CNOT6: variants seen among roughly 807,000 people sequenced by gnomAD.
CNOT6 encodes the protein CCR4-NOT transcription complex subunit 6.
Under a neutral mutation model 61.2 loss-of-function variants are expected in CNOT6, and 12 were observed. That is an observed-to-expected ratio of 0.20 (90% CI 0.13 to 0.32). The LOEUF is 0.32. CNOT6 is among the 10% of genes least tolerant of loss of function. CNOT6 has a pLI of 1.00. For synonymous variants in CNOT6, 225 were observed against 240.6 expected (o/e 0.94, Z 0.60); for missense variants, 405 against 663.9 (o/e 0.61, Z 4.28).
intron 3 of CNOT6, 54 bp downstream of exon 3, chr5:180,550,171 T>C (rs1207584810): frequency 7.7e-6 from 11 of 1,431,996 alleles, no homozygotes; most frequent in Admixed American, 5.1e-5. Flanking sequence ...AAACAAAATA[T>C]AGGCCGGGCG....
At chr5:180,524,366 C>G (rs1758002517) in intron 1 of CNOT6, among the ~76,000 whole-genome samples, 1 of 152,214 alleles carries the variant, frequency 6.6e-6, no homozygotes, top group African/African-American at 2.4e-5. Context: ...CAGTGCTATA[C>G]TTTGTTAGAC....
chr5:180,568,587 CATAAA>C (rs1347236068), intron 9 of CNOT6, among the ~76,000 whole-genome samples: 17 of 151,370 alleles, frequency 1.1e-4, no homozygotes, highest in Admixed American at 7.2e-4. Flanking sequence ...TAAATAAATA[CATAAA>C]ATAATTATTT....
Position 180,505,283 on chromosome 5 carries a change from T to C in CNOT6, c.-3+10520T>C. On this transcript the variant is annotated intron_variant, in intron 1 of 11. Transcript: ENST00000261951. ...TTTTTTTTTTTTTTTTGAGACGGAG[T>C]CTGGCTCTGTCGCCCAGTCTGGACT... Among the ~76,000 whole-genome samples, 2 of 88,658 alleles carry C rather than the reference T, an allele frequency of 2.3e-5. 1 individual carries two copies. The highest frequency in any genetic ancestry group is 4.2e-5 in the Non-Finnish European group (2 of 47,308). 58.2% of individuals were successfully genotyped at this position (88,658 alleles called of 152,430 possible). A position where few individuals can be genotyped will look rare whatever the true frequency, so the allele number is the denominator to read the frequency against.
chr5:180,559,684 C>G (rs568819709), intron 4 of CNOT6, among the ~76,000 whole-genome samples: 1 of 152,014 alleles, frequency 6.6e-6, no homozygotes, highest in African/African-American at 2.4e-5. Flanking sequence ...CTCTTTGCTT[C>G]TGCCTGCCTA....
At chr5:180,508,376 A>G (rs892139071) in intron 1 of CNOT6, among the ~76,000 whole-genome samples, 15 of 152,122 alleles carry the variant, frequency 9.9e-5, no homozygotes, top group African/African-American at 2.7e-4. Context: ...CAGTGACGCA[A>G]TCTTGGCTCA....
chr5:180,540,352 G>T (rs1475684724), intron 2 of CNOT6, among the ~76,000 whole-genome samples: 2 of 151,930 alleles, frequency 1.3e-5, no homozygotes, highest in Non-Finnish European at 2.9e-5. Flanking sequence ...TATGATTAGG[G>T]TCAAATAAGT....
chr5:180,505,516 A>G (rs1221962312), intron 1 of CNOT6, among the ~76,000 whole-genome samples: 1 of 147,498 alleles, frequency 6.8e-6, no homozygotes, highest in Admixed American at 6.9e-5. Flanking sequence ...TCGGCCTCCC[A>G]AAGTACTGGG....
chr5:180,523,967 A>C (rs1270579245), intron 1 of CNOT6, among the ~76,000 whole-genome samples: 1 of 152,222 alleles, frequency 6.6e-6, no homozygotes, highest in Non-Finnish European at 1.5e-5. Flanking sequence ...ATGTCTTTCT[A>C]ATAAATACAA....
rs1760941223 is a variant in CNOT6, at chr5:180,574,940, A to T, written c.*740A>T. 6.5e-6 allele frequency: 1 copy of T among 152,752 alleles called. No individual in the cohort carries two copies. Among genetic ancestry groups the T allele is most frequent in the Admixed American group, 6.5e-5 (1 of 15,286 alleles). 9.5% of individuals were successfully genotyped at this position (152,752 alleles called of 1,614,324 possible). A position where few individuals can be genotyped will look rare whatever the true frequency, so the allele number is the denominator to read the frequency against. On this transcript the variant is annotated 3_prime_UTR_variant, in exon 12 of 12. Coordinates refer to ENST00000261951, the MANE Select transcript of CNOT6 (RefSeq NM_001370472.1). ...TCAGACCAGAGGCAACTTATTCATGAATTTTTATGAAAACTATCTACTAGG... is the reference window on the plus strand; with the variant it reads ...TCAGACCAGAGGCAACTTATTCATGTATTTTTATGAAAACTATCTACTAGG...
intron 1 of CNOT6, among the ~76,000 whole-genome samples, chr5:180,512,685 C>A (rs1757447122): frequency 6.6e-6 from 1 of 151,070 alleles, no homozygotes; most frequent in African/African-American, 2.5e-5. Flanking sequence ...CAGCCTCCAC[C>A]TCCCAGGTTC....
intron 1 of CNOT6, among the ~76,000 whole-genome samples, chr5:180,505,678 G>A (rs1432206209): frequency 2.0e-5 from 3 of 151,620 alleles, no homozygotes; most frequent in African/African-American, 7.3e-5. Flanking sequence ...CTCCCGCGTA[G>A]CTGGGACTAC....
At chr5:180,560,934 G>T (rs1219987397) in intron 4 of CNOT6, among the ~76,000 whole-genome samples, 1 of 132,202 alleles carries the variant, frequency 7.6e-6, no homozygotes, top group East Asian at 2.3e-4. Context: ...GGTGGTGGTG[G>T]TGTTGGTCTG....
At chr5:180,570,213 C>G (rs1012417937) in intron 10 of CNOT6, among the ~76,000 whole-genome samples, 3 of 152,130 alleles carry the variant, frequency 2.0e-5, no homozygotes, top group African/African-American at 7.2e-5. Context: ...CAAAAATTAG[C>G]CAGGCGTGGT....
rs143024153 is a variant in CNOT6 at position 180,576,146 on chromosome 5, GT to G, written c.*1955del. ...AACTTTTTATGGGGTTTTGTTATTG[GT>G]TTTTTTTTGTAAAGTGTGAATAAAA... is the stretch of plus-strand genomic sequence containing the variant. On this transcript the variant is annotated 3_prime_UTR_variant, in exon 12 of 12. Coordinates refer to ENST00000261951, the MANE Select transcript of CNOT6 (RefSeq NM_001370472.1). 4,071 of 151,262 alleles carry G rather than the reference GT, an allele frequency of 0.027. 64 individuals carry two copies. Among genetic ancestry groups the G allele is most frequent in the African/African-American group, 0.034 (1,389 of 41,122 alleles). The allele number at this position is 151,262 out of a possible 1,614,324, so 9.4% of individuals were successfully genotyped here.
chr5:180,561,141 C>T (rs866803351), intron 4 of CNOT6, among the ~76,000 whole-genome samples: 12 of 152,152 alleles, frequency 7.9e-5, no homozygotes, highest in African/African-American at 2.4e-4. Context: ...TTTGTAGAGA[C>T]GAGATTTTGC....
intron 4 of CNOT6, among the ~76,000 whole-genome samples, chr5:180,560,260 G>A (rs991859459): frequency 1.3e-5 from 2 of 152,010 alleles, no homozygotes; most frequent in African/African-American, 4.8e-5. Flanking sequence ...TTTTTAAACT[G>A]TCAAACGTGA....
At chr5:180,538,051 T>A (rs1328710859) in intron 2 of CNOT6, among the ~76,000 whole-genome samples, 16 of 147,270 alleles carry the variant, frequency 1.1e-4, no homozygotes, top group Non-Finnish European at 2.1e-4. Flanking sequence ...TTTTTTTTTT[T>A]TTTTTGAGAC....
At chr5:180,505,730 A>T (rs1757107967) in intron 1 of CNOT6, among the ~76,000 whole-genome samples, 1 of 151,626 alleles carries the variant, frequency 6.6e-6, no homozygotes, top group Non-Finnish European at 1.5e-5. Flanking sequence ...TGTATTTTTT[A>T]GTAGAGACGG....
intron 1 of CNOT6, among the ~76,000 whole-genome samples, chr5:180,497,659 G>T (rs929139721): frequency 6.2e-4 from 94 of 152,230 alleles, no homozygotes; most frequent in African/African-American, 2.0e-3. Context: ...GAAAACCAAA[G>T]ACTTGGATAT....
Sources: allele counts gnomAD v4.1 joint callset (sites outside exome capture counted in the v4.1 genomes callset), GRCh38; gene constraint gnomAD v4.1.1; transcripts MANE v1.5; gene names NCBI Gene and HGNC (gene_info 2026-07-23, HGNC 2026-07-21).